TMEM50B: variants seen among roughly 807,000 people sequenced by gnomAD.
TMEM50B encodes the protein HCV p7-trans-regulated protein 3.
In TMEM50B, 14 loss-of-function variants were observed where a neutral mutation model predicts 23.4. That is an observed-to-expected ratio of 0.60 (90% confidence interval 0.39 to 0.93). The LOEUF (loss-of-function observed/expected upper bound fraction) is 0.93, where lower values mean the gene tolerates loss of function less well. TMEM50B is among the 40% of genes least tolerant of loss of function. The pLI is 0.00. For missense variants in TMEM50B, 159 were observed against 193.0 expected (o/e 0.82, Z 1.04); for synonymous variants, 64 against 62.3 (o/e 1.03, Z -0.13).
At position 33,472,066 on chromosome 21, in the gene TMEM50B, C is replaced by T. The variant is rs80231399; in HGVS notation, c.-41-3140G>A. ...AAAAGAAAGAAAGAAAATTCTAGAA[C>T]TGCAAATTACAATGTTTGAATTTAA... is the stretch of plus-strand genomic sequence containing the variant. On this transcript the variant is annotated intron_variant, in intron 1 of 6. Coordinates refer to ENST00000542230, the MANE Select transcript of TMEM50B (RefSeq NM_006134.7). Among the ~76,000 whole-genome samples, 45 of 147,106 alleles carry T rather than the reference C, an allele frequency of 3.1e-4. No homozygotes were observed. In the East Asian group the frequency reaches 9.1e-3, roughly 30 times the overall value.
intron 7 of TMEM50B, among the ~76,000 whole-genome samples, chr21:33,442,646 C>T (rs1388352523): frequency 6.6e-5 from 10 of 152,122 alleles, no homozygotes; most frequent in Admixed American, 4.6e-4. Flanking sequence ...TGTGGCCAGG[C>T]GCGCTGGCTC....
At chr21:33,453,947 T>C (rs967338144) in intron 6 of TMEM50B, among the ~76,000 whole-genome samples, 2 of 151,710 alleles carry the variant, frequency 1.3e-5, no homozygotes, top group Non-Finnish European at 2.9e-5. Flanking sequence ...CTACTAAAAA[T>C]ACAAAAATTA....
chr21:33,445,601 C>G (rs2084046528), downstream of TMEM50B, among the ~76,000 whole-genome samples: 1 of 152,208 alleles, frequency 6.6e-6, no homozygotes, highest in South Asian at 2.1e-4. Context: ...TCGAGACCAG[C>G]CTGGCCAACA....
chr21:33,478,109 T>A (rs2084391150), intron 1 of TMEM50B, among the ~76,000 whole-genome samples: 1 of 151,550 alleles, frequency 6.6e-6, no homozygotes. Flanking sequence ...CACTCCAGCC[T>A]GGGAGACAGA....
chr21:33,432,927 C>T, intron 8 of TMEM50B: 1 of 1,436,532 alleles, frequency 7.0e-7, no homozygotes, highest in Non-Finnish European at 9.6e-7. Flanking sequence ...GCTCTGTTGC[C>T]CAGGCGGGAG....
At chr21:33,474,006 G>C (rs961891438) in intron 1 of TMEM50B, among the ~76,000 whole-genome samples, 1 of 151,876 alleles carries the variant, frequency 6.6e-6, no homozygotes, top group African/African-American at 2.4e-5. Flanking sequence ...ATTAGTGGCT[G>C]TCTAGGGATG....
intron 1 of TMEM50B, among the ~76,000 whole-genome samples, chr21:33,470,663 G>A (rs540590783): frequency 6.5e-4 from 99 of 152,200 alleles, no homozygotes; most frequent in African/African-American, 2.3e-3. Flanking sequence ...CATGAACCCG[G>A]GAGGCGGGGC....
intron 8 of TMEM50B, among the ~76,000 whole-genome samples, chr21:33,434,401 A>T (rs1406361659): frequency 1.3e-5 from 2 of 152,250 alleles, no homozygotes; most frequent in East Asian, 3.9e-4. Flanking sequence ...GGGCGCCTGT[A>T]ATCCCAGCTA....
At chr21:33,446,670 AAAAAAAAAC>A (rs1011990029), downstream of TMEM50B, among the ~76,000 whole-genome samples, 44 of 148,882 alleles carry the variant, frequency 3.0e-4, no homozygotes, top group East Asian at 4.9e-3. Flanking sequence ...AAAAAAAAAA[AAAAAAAAAC>A]CTCTAAGAAA....
Position 33,460,481 on chromosome 21 carries a change from C to A in TMEM50B, c.305G>T (p.Gly102Val). The change falls in exon 5 of 7, where the codon GGT becomes GTT. Residue 102 changes from glycine to valine, a missense_variant. Physicochemically the swap from Gly to Val is moderately radical, Grantham distance 109. Transcript: ENST00000542230. ...RTGARVWLFI[G>V]FMLMFGSLIA... ...AAGTGACCCAAACATCAACATGAAA[C>A]CAATGAAAAGCCAAACTCGAGCACC... 1 of 1,611,434 alleles carries A rather than the reference C, an allele frequency of 6.2e-7. No individual in the cohort carries two copies. Among genetic ancestry groups the A allele is most frequent in the Non-Finnish European group, 8.5e-7 (1 of 1,179,226 alleles).
At chr21:33,447,701 CACACACACACACACACACATAT>C (rs1386599853), downstream of TMEM50B, among the ~76,000 whole-genome samples, 1 of 108,598 alleles carries the variant, frequency 9.2e-6, no homozygotes, top group Non-Finnish European at 1.8e-5. Flanking sequence ...CACACACACA[CACACACACACACACACACATAT>C]ATATATATAC....
rs143248516 is a variant in TMEM50B, at chr21:33,432,890, C to CT, written c.*2121-89dup. 0.19 allele frequency: 267,017 copies of CT among 1,440,052 alleles called. 3,281 individuals are homozygous for CT. Among genetic ancestry groups the CT allele is most frequent in the Non-Finnish European group, 0.2 (205,503 of 1,051,496 alleles). The allele number at this position is 1,440,052 out of a possible 1,614,324, so 89.2% of individuals were successfully genotyped here. A position where few individuals can be genotyped will look rare whatever the true frequency, so the allele number is the denominator to read the frequency against. ...AGAAGAGGTACGTGTGCACACATCTCTTTTTTTTTTTTTGAGACAGGGTCT... is the reference window on the plus strand; with the variant it reads ...AGAAGAGGTACGTGTGCACACATCTCTTTTTTTTTTTTTTGAGACAGGGTCT... On this transcript the variant is annotated intron_variant and NMD_transcript_variant, in intron 8 of 8. Transcript: ENST00000420455.
chr21:33,464,804 C>CAAAAA (rs59855166), intron 4 of TMEM50B, among the ~76,000 whole-genome samples: 9 of 100,884 alleles, frequency 8.9e-5, no homozygotes, highest in East Asian at 2.7e-4. Flanking sequence ...AACTCCGTCT[C>CAAAAA]AAAAAAAAAA....
At chr21:33,468,260 A>T (rs568670796) in intron 2 of TMEM50B, among the ~76,000 whole-genome samples, 1 of 152,096 alleles carries the variant, frequency 6.6e-6, no homozygotes, top group South Asian at 2.1e-4. Context: ...AAAATGATGG[A>T]AAGAAAATTA....
At chr21:33,445,488 G>A, downstream of TMEM50B, among the ~76,000 whole-genome samples, 1 of 152,264 alleles carries the variant, frequency 6.6e-6, no homozygotes, top group East Asian at 1.9e-4. Flanking sequence ...GATGAGAAAG[G>A]AAACATCCCT....
chr21:33,452,353 C>G (rs1015477690), intron 6 of TMEM50B, among the ~76,000 whole-genome samples: 1 of 152,202 alleles, frequency 6.6e-6, no homozygotes, highest in Non-Finnish European at 1.5e-5. Flanking sequence ...GACAGCCACA[C>G]AGAGGGAACG....
chr21:33,436,902 C>G, intron 8 of TMEM50B: 1 of 1,613,988 alleles, frequency 6.2e-7, no homozygotes, highest in Non-Finnish European at 8.5e-7. Context: ...ACGTCTGGGA[C>G]TCTGTGTCCA....
chr21:33,468,758 C>CA, intron 2 of TMEM50B, 29 bp downstream of exon 2: 1 of 1,571,008 alleles, frequency 6.4e-7, no homozygotes, highest in Non-Finnish European at 8.7e-7. Context: ...GTAAGGGATA[C>CA]ATGTCACCAA....
downstream of TMEM50B, among the ~76,000 whole-genome samples, chr21:33,448,009 TC>T (rs1296582534): frequency 1.3e-5 from 2 of 152,162 alleles, no homozygotes; most frequent in Admixed American, 1.3e-4. Context: ...TTTTTTATTT[TC>T]TAGACGGAGT....
Sources: gnomAD v4.1 joint callset for allele counts (sites outside exome capture counted in the v4.1 genomes callset) on GRCh38, gnomAD v4.1.1 for gene constraint, MANE v1.5 for transcripts, NCBI Gene and HGNC (gene_info 2026-07-23, HGNC 2026-07-21) for gene names.